Variants in NEBL observed in about 807,000 individuals in gnomAD.
NEBL encodes the protein LIM and SH3 protein 2.
A neutral mutation model predicts 140.2 loss-of-function variants in NEBL; 122 were observed. The ratio of observed to expected loss-of-function variants is 0.87; its 90% confidence interval spans 0.75 to 1.01. The LOEUF is 1.01. Among genes scored for constraint, NEBL ranks in the 50% least tolerant of loss-of-function variants. NEBL has a pLI of 0.00. For synonymous variants in NEBL, 436 were observed against 398.9 expected (o/e 1.09, Z -1.11); for missense variants, 1,365 against 1,231.3 (o/e 1.11, Z -1.62).
rs552826142 is a variant in NEBL at position 20,819,141 on chromosome 10, T to A, written c.2055+283A>T. The A allele has an allele frequency of 4.2e-5, 38 of 901,016 alleles. No individual in the cohort carries two copies. In the South Asian group the frequency reaches 6.3e-4, roughly 15 times the overall value. 55.8% of individuals were successfully genotyped at this position (901,016 alleles called of 1,614,324 possible). A position where few individuals can be genotyped will look rare whatever the true frequency, so the allele number is the denominator to read the frequency against. ...GGTGAACTTGTGTTATGGGAGTTTG[T>A]TGTACAGATGACTTCATCACCCCGG... On this transcript the variant is annotated intron_variant, in intron 20 of 27. Coordinates refer to ENST00000377122, the MANE Select transcript of NEBL (RefSeq NM_006393.3).
chr10:21,021,772 G>A (rs1357563526), intron 2 of NEBL, among the ~76,000 whole-genome samples: 1 of 152,152 alleles, frequency 6.6e-6, no homozygotes, highest in African/African-American at 2.4e-5. Context: ...AAAGTTCTGT[G>A]GTAGCAATAG....
intron 1 of NEBL, among the ~76,000 whole-genome samples, chr10:21,288,500 T>C (rs543569925): frequency 1.3e-3 from 193 of 144,610 alleles, no homozygotes; most frequent in Middle Eastern, 4.4e-3. Context: ...CGGTGGCTCA[T>C]GCCTGTAATC....
chr10:20,882,049 A>G (rs899330530), intron 4 of NEBL, among the ~76,000 whole-genome samples: 3 of 152,108 alleles, frequency 2.0e-5, no homozygotes, highest in African/African-American at 7.2e-5. Flanking sequence ...GTGGCAGCAC[A>G]TGGCTGTTGT....
chr10:20,822,238 T>C (rs370592765), intron 19 of NEBL, among the ~76,000 whole-genome samples: 41 of 152,240 alleles, frequency 2.7e-4, no homozygotes, highest in East Asian at 2.1e-3. Flanking sequence ...ATACCTCTCA[T>C]CTTTAAAATC....
chr10:21,119,498 AAC>A (rs1042745309), intron 2 of NEBL, among the ~76,000 whole-genome samples: 2 of 149,156 alleles, frequency 1.3e-5, no homozygotes, highest in Admixed American at 6.7e-5. Flanking sequence ...TACTGAATAT[AAC>A]ATATATAGTT....
At chr10:21,066,026 C>G (rs1300473566) in intron 2 of NEBL, among the ~76,000 whole-genome samples, 2 of 152,238 alleles carry the variant, frequency 1.3e-5, no homozygotes, top group Non-Finnish European at 2.9e-5. Context: ...TCACCCTCCT[C>G]TTAGACTAAT....
intron 3 of NEBL, among the ~76,000 whole-genome samples, chr10:21,212,784 A>G (rs1261095318): frequency 6.6e-6 from 1 of 152,090 alleles, no homozygotes; most frequent in Non-Finnish European, 1.5e-5. Context: ...ACTTTTCATC[A>G]TAGGAAATAG....
intron 1 of NEBL, among the ~76,000 whole-genome samples, chr10:21,258,231 T>C (rs1342090088): frequency 6.6e-6 from 1 of 151,986 alleles, no homozygotes; most frequent in Non-Finnish European, 1.5e-5. Flanking sequence ...ACAACTGCAA[T>C]GAGCTATGAT....
chr10:20,823,334 A>C, intron 18 of NEBL, 34 bp from the exon 19 acceptor site: 1 of 1,467,758 alleles, frequency 6.8e-7, no homozygotes, highest in Non-Finnish European at 9.5e-7. Context: ...CGTTAACTTT[A>C]TTCTATGCAA....
At chr10:21,153,541 A>C (rs1038435490) in intron 2 of NEBL, among the ~76,000 whole-genome samples, 3 of 150,954 alleles carry the variant, frequency 2.0e-5, no homozygotes, top group Non-Finnish European at 4.4e-5. Context: ...TATATGTATT[A>C]ATTTTGAGAC....
rs577333800 is a variant in NEBL, at chr10:20,782,331, A to G, written c.*3416T>C. 1 of 152,772 alleles carries G rather than the reference A, an allele frequency of 6.5e-6. No individual in the cohort carries two copies. Among genetic ancestry groups the G allele is most frequent in the South Asian group, 2.1e-4 (1 of 4,828 alleles). The allele number at this position is 152,772 out of a possible 1,614,324, so 9.5% of individuals were successfully genotyped here. ...TATATATCTGTATTACAGTTTTGGTATATCTTTTATCCACTTTCTATAGGG... is the reference window on the plus strand; with the variant it reads ...TATATATCTGTATTACAGTTTTGGTGTATCTTTTATCCACTTTCTATAGGG... On this transcript the variant is annotated 3_prime_UTR_variant, in exon 28 of 28. Coordinates refer to ENST00000377122, the MANE Select transcript of NEBL (RefSeq NM_006393.3).
chr10:21,132,918 A>G (rs1839179168), intron 2 of NEBL, among the ~76,000 whole-genome samples: 1 of 152,202 alleles, frequency 6.6e-6, no homozygotes, highest in Non-Finnish European at 1.5e-5. Context: ...ATTTTCTTAC[A>G]TTCTACGGGT....
At chr10:21,256,356 T>C (rs10828226) in intron 1 of NEBL, among the ~76,000 whole-genome samples, 46,038 of 151,908 alleles carry the variant, frequency 0.3, 9,813 homozygotes, top group African/African-American at 0.6. Context: ...GCGTGAGCCA[T>C]CACACCCAGC....
chr10:20,858,504 G>T (rs1264457971), intron 8 of NEBL, among the ~76,000 whole-genome samples, 160 bp from the exon 9 acceptor site: 6 of 152,182 alleles, frequency 3.9e-5, no homozygotes, highest in African/African-American at 1.4e-4. Context: ...ACTACTGAAT[G>T]AATTTTAAAA....
At chr10:21,272,198 C>T (rs1373943929) in intron 1 of NEBL, among the ~76,000 whole-genome samples, 1 of 146,698 alleles carries the variant, frequency 6.8e-6, no homozygotes, top group African/African-American at 2.6e-5. Context: ...ATCTCCTGAC[C>T]TCGTTATCCA....
chr10:21,277,620 T>C (rs1374795162), intron 1 of NEBL, among the ~76,000 whole-genome samples: 3 of 152,210 alleles, frequency 2.0e-5, no homozygotes, highest in African/African-American at 7.2e-5. Context: ...ATACAGTTAG[T>C]CATTGGTGCT....
intron 3 of NEBL, among the ~76,000 whole-genome samples, chr10:21,189,805 T>C (rs1328072173): frequency 6.6e-6 from 1 of 152,142 alleles, no homozygotes; most frequent in Non-Finnish European, 1.5e-5. Flanking sequence ...TTTACGGTAA[T>C]CTGTTAAGGG....
At chr10:21,090,466 T>C (rs913759294) in intron 2 of NEBL, among the ~76,000 whole-genome samples, 1 of 152,240 alleles carries the variant, frequency 6.6e-6, no homozygotes, top group African/African-American at 2.4e-5. Flanking sequence ...TACAGGAGGA[T>C]GCGTGTAGGT....
At chr10:21,206,732 G>A (rs1410322432) in intron 3 of NEBL, among the ~76,000 whole-genome samples, 2 of 152,122 alleles carry the variant, frequency 1.3e-5, no homozygotes, top group African/African-American at 2.4e-5. Flanking sequence ...TATAGAGATC[G>A]TTGACTGGTA....
Sources: allele counts gnomAD v4.1 joint callset (sites outside exome capture counted in the v4.1 genomes callset), GRCh38; gene constraint gnomAD v4.1.1; transcripts MANE v1.5; gene names NCBI Gene and HGNC (gene_info 2026-07-23, HGNC 2026-07-21).